Variants in SNAPC1 observed in about 807,000 individuals in gnomAD.
SNAPC1 encodes small nuclear RNA activating complex polypeptide 1.
SNAPC1 carries 42 observed loss-of-function variants against 50.1 expected under a neutral mutation model. That is an observed-to-expected ratio of 0.84 (90% confidence interval 0.65 to 1.08). The LOEUF (loss-of-function observed/expected upper bound fraction) is 1.08. Among genes scored for constraint, SNAPC1 ranks in the 50% least tolerant of loss-of-function variants. The pLI is 0.00. For synonymous variants in SNAPC1, 164 were observed against 144.2 expected, an observed-to-expected ratio of 1.14 and a Z score of -0.98; for missense variants, 477 against 427.3, an observed-to-expected ratio of 1.12 and a Z score of -1.02.
intron 1 of SNAPC1, among the ~76,000 whole-genome samples, chr14:61,766,359 G>A (rs2044948710): frequency 6.6e-6 from 1 of 152,152 alleles, no homozygotes; most frequent in Admixed American, 6.5e-5. Context: ...AATAGAAACC[G>A]GACACAGCAG....
At chr14:61,777,336 C>T (rs1028399071) in intron 5 of SNAPC1, among the ~76,000 whole-genome samples, 2 of 152,190 alleles carry the variant, frequency 1.3e-5, no homozygotes, top group African/African-American at 4.8e-5. Context: ...ATAGGTTACA[C>T]AAATGACTTA....
chr14:61,767,425 C>G, intron 3 of SNAPC1, 73 bp downstream of exon 3: 1 of 965,220 alleles, frequency 1.0e-6, no homozygotes, highest in Non-Finnish European at 1.4e-6. Flanking sequence ...ACCTCTCAAT[C>G]TCCAGAAAAT....
At chr14:61,767,394 T>A in intron 3 of SNAPC1, 42 bp downstream of exon 3, 1 of 1,277,628 alleles carries the variant, frequency 7.8e-7, no homozygotes, top group Admixed American at 2.8e-5. Flanking sequence ...AAATGAGCAA[T>A]TATACTTTAT....
chr14:61,769,008 G>A (rs890197037), intron 4 of SNAPC1, among the ~76,000 whole-genome samples: 7 of 152,146 alleles, frequency 4.6e-5, no homozygotes, highest in African/African-American at 1.4e-4. Flanking sequence ...GTTTGTATTT[G>A]ACTTTAGTTA....
chr14:61,789,195 C>T (rs552209985), intron 8 of SNAPC1, among the ~76,000 whole-genome samples: 22 of 147,294 alleles, frequency 1.5e-4, no homozygotes, highest in Admixed American at 9.1e-4. Context: ...AGCGCCACCG[C>T]TCTTCAGCCT....
chr14:61,769,791 G>C (rs762301778), intron 4 of SNAPC1, among the ~76,000 whole-genome samples: 1 of 152,176 alleles, frequency 6.6e-6, no homozygotes, highest in Non-Finnish European at 1.5e-5. Context: ...TGAGTGTACA[G>C]TATTGGGAAA....
intron 8 of SNAPC1, among the ~76,000 whole-genome samples, chr14:61,791,625 A>C (rs1488905217): frequency 6.6e-6 from 1 of 152,162 alleles, no homozygotes; most frequent in African/African-American, 2.4e-5. Flanking sequence ...AGGCAGGTGG[A>C]TCACTTGAGG....
At chr14:61,769,412 T>C (rs868708497) in intron 4 of SNAPC1, among the ~76,000 whole-genome samples, 94 of 149,532 alleles carry the variant, frequency 6.3e-4, no homozygotes, top group African/African-American at 2.2e-3. Context: ...TTTTTTTTTT[T>C]TCTCACACGG....
chr14:61,792,884 GA>G lies in SNAPC1; in HGVS notation c.1057del (p.Ser353ValfsTer2). On this transcript the variant is annotated frameshift_variant, in exon 9 of 10. Coordinates refer to ENST00000216294, the MANE Select transcript of SNAPC1 (RefSeq NM_003082.4). LOFTEE classifies it high-confidence loss of function. ...TGTAATTACAGAAGAAGAAGAGAAT[GA>G]AAGTTTGAGTGGAACAGGTACAGAT... is the stretch of plus-strand genomic sequence containing the variant. The part of the protein sequence containing the change: ...MPVITEEEEN[E>X]SLSGTEFTAS... The G allele has an allele frequency of 6.2e-7, 1 of 1,601,166 alleles. No homozygotes were observed. Among genetic ancestry groups the G allele is most frequent in the Non-Finnish European group, 8.5e-7 (1 of 1,171,114 alleles).
intron 4 of SNAPC1, among the ~76,000 whole-genome samples, chr14:61,770,620 G>C (rs1402442555): frequency 6.6e-6 from 1 of 152,228 alleles, no homozygotes; most frequent in Middle Eastern, 3.4e-3. Flanking sequence ...GGAGCACTCT[G>C]GGTCTGTTCT....
chr14:61,790,239 T>G (rs2045142298), intron 8 of SNAPC1, among the ~76,000 whole-genome samples: 1 of 152,228 alleles, frequency 6.6e-6, no homozygotes, highest in African/African-American at 2.4e-5. Context: ...ATTTAAGCTT[T>G]AATTATGTGC....
At position 61,766,950 on chromosome 14, in the gene SNAPC1, C is replaced by T. The variant is rs1442805491; in HGVS notation, c.203C>T (p.Pro68Leu). Residue 68 changes from proline to leucine, a missense_variant, in exon 2 of 10, where the codon CCT becomes CTT. Coordinates refer to ENST00000216294, the MANE Select transcript of SNAPC1 (RefSeq NM_003082.4). ...ALALAWRYFL[P>L]PYTFQIRVGA... ...GCTTTGGCTTGGCGATATTTTTTAC[C>T]TCCATACACCTTCCAGATCAGAGTT... 6.2e-7 allele frequency: 1 copy of T among 1,609,070 alleles called. No individual in the cohort carries two copies. The highest frequency in any genetic ancestry group is 8.5e-7 in the Non-Finnish European group (1 of 1,175,702).
chr14:61,780,306 C>G (rs2045062921), intron 7 of SNAPC1, among the ~76,000 whole-genome samples: 1 of 152,210 alleles, frequency 6.6e-6, no homozygotes, highest in African/African-American at 2.4e-5. Context: ...CTCACCTACA[C>G]CAGTTTCCTT....
At chr14:61,778,203 C>T in intron 6 of SNAPC1, 63 bp downstream of exon 6, 1 of 945,738 alleles carries the variant, frequency 1.1e-6, no homozygotes. Context: ...GCATTGTGAC[C>T]CATGGTCAGT....
At chr14:61,780,210 C>A (rs1034348907) in intron 7 of SNAPC1, among the ~76,000 whole-genome samples, 1 of 152,154 alleles carries the variant, frequency 6.6e-6, no homozygotes, top group African/African-American at 2.4e-5. Flanking sequence ...TGGGAGCCTA[C>A]AGAGAGAATC....
intron 8 of SNAPC1, among the ~76,000 whole-genome samples, chr14:61,790,515 T>C (rs541752974): frequency 6.6e-6 from 1 of 152,294 alleles, no homozygotes; most frequent in South Asian, 2.1e-4. Context: ...TTTGTATTTT[T>C]AGTAGAGACG....
At chr14:61,784,798 A>G (rs572949548) in intron 8 of SNAPC1, among the ~76,000 whole-genome samples, 3 of 152,334 alleles carry the variant, frequency 2.0e-5, no homozygotes, top group Non-Finnish European at 4.4e-5. Context: ...CAATGGTAAT[A>G]TGCAAGAAGT....
chr14:61,763,629 C>G (rs1402992480), intron 1 of SNAPC1, among the ~76,000 whole-genome samples: 1 of 151,534 alleles, frequency 6.6e-6, no homozygotes, highest in Non-Finnish European at 1.5e-5. Context: ...GTCTTTTTTG[C>G]TCTTCTAGAC....
intron 6 of SNAPC1, among the ~76,000 whole-genome samples, 200 bp from the exon 7 acceptor site, chr14:61,778,648 G>A (rs925973454): frequency 4.6e-5 from 7 of 152,178 alleles, no homozygotes; most frequent in African/African-American, 1.7e-4. Context: ...TGGGGATGGT[G>A]TTATGGCACC....
Sources: gnomAD v4.1 joint callset for allele counts (sites outside exome capture counted in the v4.1 genomes callset) on GRCh38, gnomAD v4.1.1 for gene constraint, MANE v1.5 for transcripts, NCBI Gene and HGNC (gene_info 2026-07-23, HGNC 2026-07-21) for gene names.